The following DNM3 variants were observed in gnomAD, a reference collection of about 807,000 sequenced individuals.
The protein encoded by DNM3 is dynamin-3.
Under a neutral mutation model 101.6 loss-of-function variants are expected in DNM3, and 47 were observed. The ratio of observed to expected loss-of-function variants is 0.46; its 90% confidence interval spans 0.37 to 0.59. The LOEUF is 0.59. Ranked by LOEUF, DNM3 falls within the 20% of genes least tolerant of loss-of-function variation. The pLI is 0.00. For synonymous variants in DNM3, 385 were observed against 387.9 expected (o/e 0.99, Z 0.09); for missense variants, 849 against 1,085.7 (o/e 0.78, Z 3.06).
At chr1:172,302,678 G>A (rs1008459546) in intron 15 of DNM3, among the ~76,000 whole-genome samples, 2 of 152,058 alleles carry the variant, frequency 1.3e-5, no homozygotes, top group South Asian at 2.1e-4. Flanking sequence ...TCCAGAGGAC[G>A]GGTCAGACAG....
chr1:171,911,197 C>G (rs539574568), intron 1 of DNM3, among the ~76,000 whole-genome samples: 5 of 151,148 alleles, frequency 3.3e-5, no homozygotes, highest in African/African-American at 1.2e-4. Context: ...CATGGTAGTG[C>G]TCCATTCTGT....
At chr1:171,877,029 A>G (rs2035849043) in intron 1 of DNM3, among the ~76,000 whole-genome samples, 1 of 152,174 alleles carries the variant, frequency 6.6e-6, no homozygotes, top group Non-Finnish European at 1.5e-5. Context: ...CTGTGGGCCC[A>G]CATTATTTTT....
chr1:172,235,106 C>G (rs1479680160), intron 14 of DNM3, among the ~76,000 whole-genome samples: 2 of 152,104 alleles, frequency 1.3e-5, no homozygotes, highest in African/African-American at 2.4e-5. Context: ...ACTCATCTGA[C>G]AAAGGGCTAA....
intron 14 of DNM3, among the ~76,000 whole-genome samples, chr1:172,150,080 T>C (rs2058071477): frequency 1.3e-5 from 2 of 152,180 alleles, no homozygotes; most frequent in Admixed American, 1.3e-4. Flanking sequence ...CCAAATTACA[T>C]GAATTTCTAA....
At chr1:172,138,776 T>A in intron 14 of DNM3, 2 of 388,342 alleles carry the variant, frequency 5.2e-6, no homozygotes, top group South Asian at 2.0e-5. Context: ...GGCTGCTTTC[T>A]TTCAATGGCT....
intron 13 of DNM3, among the ~76,000 whole-genome samples, chr1:172,125,158 C>T (rs1373064592): frequency 6.6e-6 from 1 of 152,134 alleles, no homozygotes; most frequent in East Asian, 1.9e-4. Flanking sequence ...CTTTTGTAAT[C>T]TACCAAGATC....
rs149095694 is a variant in DNM3, at chr1:171,891,813, C to T, written c.162-29935C>T. On this transcript the variant is annotated intron_variant, in intron 1 of 20. Coordinates refer to ENST00000627582, the MANE Select transcript of DNM3 (RefSeq NM_015569.5). ...AGTGACTTAGCACTGTTGATGTTGT[C>T]CATCATCACCTGGCTCTGGTTATGG... 3.5e-3 allele frequency among the ~76,000 whole-genome samples: 530 copies of T among 152,280 alleles called. 3 individuals carry two copies. The highest frequency in any genetic ancestry group is 0.012 in the African/African-American group (507 of 41,558).
chr1:172,144,082 T>G (rs1425019157), intron 14 of DNM3, among the ~76,000 whole-genome samples: 1 of 152,086 alleles, frequency 6.6e-6, no homozygotes, highest in Admixed American at 6.6e-5. Context: ...AATTCAAAAG[T>G]AGCCTCATTA....
At chr1:172,166,924 T>C (rs547653633) in intron 14 of DNM3, among the ~76,000 whole-genome samples, 1 of 145,648 alleles carries the variant, frequency 6.9e-6, no homozygotes, top group East Asian at 2.0e-4. Flanking sequence ...ATTGCATTCT[T>C]TTTTTTTTTT....
chr1:172,110,921 A>T (rs758341622), intron 13 of DNM3, among the ~76,000 whole-genome samples: 21 of 152,230 alleles, frequency 1.4e-4, no homozygotes, highest in Non-Finnish European at 2.8e-4. Flanking sequence ...CTTTAGTGTC[A>T]GCTACTCAGG....
intron 20 of DNM3, among the ~76,000 whole-genome samples, chr1:172,391,097 G>A (rs2069502377): frequency 6.6e-6 from 1 of 152,198 alleles, no homozygotes; most frequent in South Asian, 2.1e-4. Flanking sequence ...CGGCACATGG[G>A]CAGCAGGGCT....
intron 13 of DNM3, among the ~76,000 whole-genome samples, chr1:172,101,985 G>C (rs2054678516): frequency 6.6e-6 from 1 of 151,700 alleles, no homozygotes; most frequent in South Asian, 2.1e-4. Flanking sequence ...CAGCCTCCTG[G>C]GCAGCTGGAA....
At chr1:172,170,865 G>C (rs1437117211) in intron 14 of DNM3, among the ~76,000 whole-genome samples, 2 of 151,668 alleles carry the variant, frequency 1.3e-5, no homozygotes, top group Non-Finnish European at 2.9e-5. Context: ...GCATTTCTGA[G>C]TTTCTAGGGG....
intron 17 of DNM3, among the ~76,000 whole-genome samples, chr1:172,361,098 C>T (rs1276601412): frequency 6.6e-6 from 1 of 151,996 alleles, no homozygotes; most frequent in African/African-American, 2.4e-5. Flanking sequence ...GGTGGCTGAC[C>T]TTGGGTCTGG....
intron 12 of DNM3, among the ~76,000 whole-genome samples, chr1:172,082,998 A>T (rs1195862450): frequency 5.3e-5 from 8 of 152,218 alleles, no homozygotes; most frequent in Non-Finnish European, 7.3e-5. Flanking sequence ...TTAGAACCCA[A>T]CGATAAATAT....
intron 1 of DNM3, among the ~76,000 whole-genome samples, chr1:171,849,052 C>T (rs753701826): frequency 7.2e-5 from 11 of 152,144 alleles, no homozygotes; most frequent in Non-Finnish European, 1.5e-5. Flanking sequence ...TACATGATAG[C>T]AGTAGCTAGG....
intron 14 of DNM3, among the ~76,000 whole-genome samples, chr1:172,195,558 T>A (rs1232377883): frequency 1.3e-5 from 2 of 151,822 alleles, no homozygotes; most frequent in Non-Finnish European, 2.9e-5. Flanking sequence ...AGCTCTATAG[T>A]TTTTTTGTAG....
At chr1:171,876,509 A>G (rs988471419) in intron 1 of DNM3, among the ~76,000 whole-genome samples, 2 of 152,018 alleles carry the variant, frequency 1.3e-5, no homozygotes, top group African/African-American at 4.8e-5. Context: ...CTTCTGACTC[A>G]TGCAGCCCCC....
chr1:172,046,411 G>A (rs2049806103), intron 9 of DNM3, among the ~76,000 whole-genome samples: 2 of 152,120 alleles, frequency 1.3e-5, no homozygotes, highest in South Asian at 4.2e-4. Context: ...GTTGTTGGGT[G>A]GGAGTAGGGG....
Sources: allele counts gnomAD v4.1 joint callset (sites outside exome capture counted in the v4.1 genomes callset), GRCh38; gene constraint gnomAD v4.1.1; transcripts MANE v1.5; gene names NCBI Gene and HGNC (gene_info 2026-07-23, HGNC 2026-07-21).